The following CD84 variants were observed in gnomAD, a reference collection of about 807,000 sequenced individuals.
CD84 encodes SLAM family member 5.
In CD84, 22 loss-of-function variants were observed where a neutral mutation model predicts 33.8. That is an observed-to-expected ratio of 0.65 (90% CI 0.46 to 0.93). The LOEUF (loss-of-function observed/expected upper bound fraction) is 0.93, where lower values mean the gene tolerates loss of function less well. Ranked by LOEUF, CD84 falls within the 40% of genes least tolerant of loss-of-function variation. CD84 has a pLI of 0.00. For synonymous variants in CD84, 154 were observed against 145.2 expected (o/e 1.06, Z -0.44); for missense variants, 400 against 397.6 (o/e 1.01, Z -0.05).
rs772393991 is a variant in CD84, at chr1:160,565,651, C to A, written c.141G>T (p.Arg47=). Residue 47 remains arginine, a synonymous_variant, in exon 2 of 7, where the codon CGG becomes CGT. Transcript: ENST00000368054. The part of the protein sequence containing the change: ...VTFPVNIQEP[R]QVKIIAWTSK... Reference sequence around the variant, plus strand: ...AAGTCCAAGCAATGATTTTAACTTGCCGTGGTTCTTGGATATTTACAGGGA... The same window carrying A: ...AAGTCCAAGCAATGATTTTAACTTGACGTGGTTCTTGGATATTTACAGGGA... 1.9e-6 allele frequency: 3 copies of A among 1,613,806 alleles called. No homozygotes were observed. The highest frequency in any genetic ancestry group is 3.3e-5 in the Admixed American group (2 of 59,948).
intron 2 of CD84, among the ~76,000 whole-genome samples, chr1:160,555,910 C>G (rs1355574982): frequency 6.6e-6 from 1 of 152,168 alleles, no homozygotes; most frequent in Non-Finnish European, 1.5e-5. Flanking sequence ...TCCTAACAAT[C>G]TTTTAGAGGG....
At chr1:160,554,181 G>A in intron 2 of CD84, 35 bp from the exon 3 acceptor site, 1 of 1,567,256 alleles carries the variant, frequency 6.4e-7, no homozygotes, top group East Asian at 2.3e-5. Context: ...ATAGTGAGCT[G>A]GAGCTGGCTT....
chr1:160,573,967 C>G (rs1571389076), intron 1 of CD84, among the ~76,000 whole-genome samples: 1 of 152,074 alleles, frequency 6.6e-6, no homozygotes, highest in African/African-American at 2.4e-5. Flanking sequence ...GTAATGCATG[C>G]CTGTAGTCTC....
chr1:160,553,840 A>G (rs1228472475), intron 3 of CD84, 55 bp downstream of exon 3: 1 of 1,613,142 alleles, frequency 6.2e-7, no homozygotes, highest in Non-Finnish European at 8.5e-7. Flanking sequence ...CAGACCTTGC[A>G]GCTCCTCAGA....
At chr1:160,551,163 G>C in intron 4 of CD84, 128 bp from the exon 5 acceptor site, 2 of 729,312 alleles carry the variant, frequency 2.7e-6, no homozygotes, top group Non-Finnish European at 4.8e-6. Flanking sequence ...GCCATCCTTT[G>C]AAATGGATGC....
At chr1:160,571,739 C>T (rs914194384) in intron 1 of CD84, among the ~76,000 whole-genome samples, 7 of 152,108 alleles carry the variant, frequency 4.6e-5, no homozygotes, top group African/African-American at 1.4e-4. Flanking sequence ...GTTAGATGCT[C>T]CTGCTCATGG....
intron 2 of CD84, among the ~76,000 whole-genome samples, chr1:160,562,373 C>A (rs1657034609): frequency 6.6e-6 from 1 of 152,140 alleles, no homozygotes; most frequent in Admixed American, 6.5e-5. Context: ...GGTACAAAAA[C>A]AGACACATAG....
chr1:160,572,749 G>A (rs758993096), intron 1 of CD84, among the ~76,000 whole-genome samples: 1 of 152,112 alleles, frequency 6.6e-6, no homozygotes, highest in Non-Finnish European at 1.5e-5. Context: ...GAACACAAAT[G>A]GGAAAGGTAG....
At chr1:160,572,730 C>T (rs915737551) in intron 1 of CD84, among the ~76,000 whole-genome samples, 14 of 152,134 alleles carry the variant, frequency 9.2e-5, no homozygotes, top group African/African-American at 2.9e-4. Flanking sequence ...TCGTGACCTT[C>T]TTATGCCAGA....
intron 5 of CD84, chr1:160,550,588 G>A: frequency 2.0e-6 from 2 of 979,672 alleles, no homozygotes; most frequent in South Asian, 4.7e-5. Context: ...TCACCACGTT[G>A]GTAGTCACAT....
intron 2 of CD84, among the ~76,000 whole-genome samples, chr1:160,558,200 G>T (rs530916336): frequency 4.6e-5 from 7 of 152,294 alleles, no homozygotes; most frequent in Admixed American, 2.6e-4. Flanking sequence ...CCCAACAGAG[G>T]TCCCTAGCCA....
At chr1:160,565,147 T>A (rs990305470) in intron 2 of CD84, among the ~76,000 whole-genome samples, 2 of 152,054 alleles carry the variant, frequency 1.3e-5, no homozygotes, top group African/African-American at 4.8e-5. Flanking sequence ...AGTAGTATGA[T>A]CATTGACATT....
intron 6 of CD84, 84 bp downstream of exon 6, chr1:160,549,833 C>A (rs1318996893): frequency 9.8e-7 from 1 of 1,016,644 alleles, no homozygotes. Context: ...GGGGAACCAG[C>A]TAGCCCCTGG....
rs199818239 is a variant in CD84, at chr1:160,565,523, G to A, written c.269C>T (p.Pro90Leu). Residue 90 changes from proline (P) to leucine (L), a missense_variant, in exon 2 of 7, where the codon CCG (proline) becomes CTG (leucine). Pro to Leu is a moderately conservative substitution (Grantham distance 98, BLOSUM62 -3). Coordinates refer to ENST00000368054, the MANE Select transcript of CD84 (RefSeq NM_003874.4). ...NYYERIHALG[P>L]NYNLVISDLR... ...ATCGCTAATGACCAGATTGTAGTTC[G>A]GACCTAAGGCATGTATCCGTTCATA... 155 of 1,613,956 alleles carry A rather than the reference G, an allele frequency of 9.6e-5. No homozygotes were observed. The highest frequency in any genetic ancestry group is 1.7e-4 in the Middle Eastern group (1 of 6,060).
chr1:160,577,683 G>T (rs1032468727), intron 1 of CD84, among the ~76,000 whole-genome samples: 1 of 152,156 alleles, frequency 6.6e-6, no homozygotes, highest in Non-Finnish European at 1.5e-5. Flanking sequence ...TGAAAAGCGA[G>T]TGTGAAAAAT....
chr1:160,579,485 CAG>C lies in CD84; in HGVS notation c.-50_-49del. 2 of 1,601,892 alleles carry C rather than the reference CAG, an allele frequency of 1.2e-6. No homozygotes were observed. The highest frequency in any genetic ancestry group is 1.7e-6 in the Non-Finnish European group (2 of 1,174,656). On this transcript the variant is annotated 5_prime_UTR_variant, in exon 1 of 7. Transcript: ENST00000368054. ...GTGGAAAAGCACGGCACTGTTCTAG[CAG>C]AGTCAGTTTCACTTGAGTTTTCTTC... is the stretch of plus-strand genomic sequence containing the variant.
chr1:160,572,372 C>G (rs553845215), intron 1 of CD84, among the ~76,000 whole-genome samples: 106 of 152,258 alleles, frequency 7.0e-4, no homozygotes, highest in African/African-American at 2.5e-3. Context: ...AGGAGGTATA[C>G]AGACTAAAGG....
In CD84 at chr1:160,557,269, T is replaced by C. The variant is rs1656672369; in HGVS notation, c.389-3123A>G. ...CTTTCCGCTATGCTGTCCATCGGTA[T>C]AGAAACTGATTCAATCATCTTATAT... On this transcript the variant is annotated intron_variant, in intron 2 of 6. Coordinates refer to ENST00000368054, the MANE Select transcript of CD84 (RefSeq NM_003874.4). Among the ~76,000 whole-genome samples the C allele has an allele frequency of 2.0e-5, 3 of 152,364 alleles. No homozygotes were observed. In the South Asian group the frequency reaches 6.2e-4, roughly 32 times the overall value.
chr1:160,553,736 C>CCT, intron 3 of CD84, 159 bp downstream of exon 3: 1 of 1,212,884 alleles, frequency 8.2e-7, no homozygotes, highest in Non-Finnish European at 1.1e-6. Flanking sequence ...AAGGCTTTGG[C>CCT]CTCTTTCCCA....
Sources: gnomAD v4.1 joint callset for allele counts (sites outside exome capture counted in the v4.1 genomes callset) on GRCh38, gnomAD v4.1.1 for gene constraint, MANE v1.5 for transcripts, NCBI Gene and HGNC (gene_info 2026-07-23, HGNC 2026-07-21) for gene names.